Variants in SLC30A10 observed in about 807,000 individuals in gnomAD.
SLC30A10 encodes the protein calcium/manganese antiporter SLC30A10.
SLC30A10 carries 8 observed loss-of-function variants against 21.7 expected under a neutral mutation model. The ratio of observed to expected loss-of-function variants is 0.37; its 90% CI spans 0.22 to 0.67. The LOEUF (loss-of-function observed/expected upper bound fraction) is 0.67. SLC30A10 is among the 30% of genes least tolerant of loss of function. The pLI is 0.58. For missense variants in SLC30A10, 521 were observed against 642.5 expected, an observed-to-expected ratio of 0.81 and a Z score of 2.04; for synonymous variants, 272 against 279.4, an observed-to-expected ratio of 0.97 and a Z score of 0.26.
chr1:219,947,525 C>T (rs768727746), intron 1 of SLC30A10, among the ~76,000 whole-genome samples: 2 of 151,840 alleles, frequency 1.3e-5, no homozygotes, highest in Non-Finnish European at 2.9e-5. Context: ...AGAGCAAGAT[C>T]CTGTCTCAAA....
In SLC30A10 at chr1:219,918,116, A is replaced by G. The variant is rs940992924; in HGVS notation, c.958+139T>C. On this transcript the variant is annotated intron_variant, in intron 3 of 3. Coordinates refer to ENST00000366926, the MANE Select transcript of SLC30A10 (RefSeq NM_018713.3). This position sits in a 1 kb window ranked among gnomAD's most constrained non-coding sequence, Gnocchi z 4.4. ...GTCATCTTAATAGGCTATAAAACAT[A>G]TGATGACATCTCTACCACCTGGTGA... 430 of 1,147,052 alleles carry G rather than the reference A, an allele frequency of 3.7e-4. No individual in the cohort carries two copies. Among genetic ancestry groups the G allele is most frequent in the Non-Finnish European group, 7.3e-5 (59 of 804,194 alleles). 71.1% of individuals were successfully genotyped at this position (1,147,052 alleles called of 1,614,324 possible).
At chr1:219,927,663 AAAAAAC>A (rs1659867982) in intron 1 of SLC30A10, 132 bp downstream of exon 1, 4 of 372,998 alleles carry the variant, frequency 1.1e-5, no homozygotes, top group South Asian at 1.2e-4. Flanking sequence ...AAAAAAAAAA[AAAAAAC>A]AACAACAACA....
At chr1:219,925,293 G>A (rs996488319) in intron 2 of SLC30A10, among the ~76,000 whole-genome samples, 1 of 152,044 alleles carries the variant, frequency 6.6e-6, no homozygotes, top group Non-Finnish European at 1.5e-5. Flanking sequence ...CAGCACTTTG[G>A]GCAGCCGAGG....
intron 1 of SLC30A10, among the ~76,000 whole-genome samples, chr1:219,941,114 AGAG>A (rs1425125101): frequency 2.0e-5 from 3 of 152,242 alleles, no homozygotes; most frequent in African/African-American, 7.2e-5. Context: ...AGCCTTCCTG[AGAG>A]GAGAAGGAGA....
At chr1:219,934,991 G>A (rs1660027658) in intron 1 of SLC30A10, among the ~76,000 whole-genome samples, 1 of 152,198 alleles carries the variant, frequency 6.6e-6, no homozygotes, top group African/African-American at 2.4e-5. Context: ...ACAGGGGAAA[G>A]GGTTAAAGGC....
rs1034203907 is a variant in SLC30A10 at position 219,947,702 on chromosome 1, C to T, written n.80+10866G>A. On this transcript the variant is annotated intron_variant and non_coding_transcript_variant, in intron 1 of 8. Transcript: ENST00000484239. ...GTGTGGTGGCTCACACCTGTAATCA[C>T]GCCTGTAATCCCAGCTACTTGGGAG... 2.4e-4 allele frequency among the ~76,000 whole-genome samples: 37 copies of T among 152,046 alleles called. No homozygotes were observed. The South Asian group carries it at 3.9e-3, about 16-fold the overall frequency.
At chr1:219,917,802 C>T (rs531497727) in intron 3 of SLC30A10, among the ~76,000 whole-genome samples, 26 of 151,474 alleles carry the variant, frequency 1.7e-4, no homozygotes, top group Non-Finnish European at 2.9e-4. Context: ...CCTCCGCCTC[C>T]CGGGTTCAAG....
In SLC30A10 at chr1:219,911,833, T is replaced by C. The variant is rs554174005; in HGVS notation, c.*3616A>G. On this transcript the variant is annotated 3_prime_UTR_variant, in exon 4 of 4. Transcript: ENST00000366926. ...GCTCAGAACTTGGGGCAATTTTTTT[T>C]CCCAGGTTATATGTGGCAATGTCTG... 6.6e-6 allele frequency among the ~76,000 whole-genome samples: 1 copy of C among 152,234 alleles called. No homozygotes were observed. The highest frequency in any genetic ancestry group is 2.4e-5 in the African/African-American group (1 of 41,524).
chr1:219,950,442 A>G (rs1181233357), intron 1 of SLC30A10, among the ~76,000 whole-genome samples: 1 of 151,950 alleles, frequency 6.6e-6, no homozygotes. Flanking sequence ...GATCGAGACC[A>G]TCCTGGCTAA....
rs1369832991 is a variant in SLC30A10 at position 219,927,646 on chromosome 1, A to C, written c.640+155T>G. Among the ~76,000 whole-genome samples the C allele has an allele frequency of 9.8e-5, 4 of 40,660 alleles. No homozygotes were observed. In the African/African-American group the frequency reaches 1.4e-3, roughly 14 times the overall value. The allele number at this position is 40,660 out of a possible 152,430, so 26.7% of individuals were successfully genotyped here. The stretch of plus-strand genomic sequence containing the variant: ...AAAGGGAATGGATTTATTAAAAAAA[A>C]AAAAAAAAAAAAAAAAAAAAAACAA... On this transcript the variant is annotated intron_variant, in intron 1 of 3. Coordinates refer to ENST00000366926, the MANE Select transcript of SLC30A10 (RefSeq NM_018713.3).
At chr1:219,922,176 GTTTTTTTTTTTTTTTTT>G (rs869249213) in intron 2 of SLC30A10, among the ~76,000 whole-genome samples, 26 of 36,450 alleles carry the variant, frequency 7.1e-4, no homozygotes, top group African/African-American at 2.7e-3. Context: ...GTGTGTGTGT[GTTTTTTTTTTTTTTTTT>G]TTTTTTTTTT....
intron 1 of SLC30A10, among the ~76,000 whole-genome samples, chr1:219,954,775 T>A (rs896884060): frequency 5.9e-5 from 9 of 151,272 alleles, no homozygotes; most frequent in African/African-American, 2.2e-4. Flanking sequence ...ATTTCTGATA[T>A]AAATGTATCA....
intron 1 of SLC30A10, among the ~76,000 whole-genome samples, chr1:219,951,108 G>A (rs1011038598): frequency 4.6e-5 from 7 of 152,012 alleles, no homozygotes; most frequent in Non-Finnish European, 8.8e-5. Context: ...CTATAGGCAC[G>A]CACCACCACA....
upstream of SLC30A10, among the ~76,000 whole-genome samples, chr1:219,929,525 CT>C (rs11382012): frequency 0.061 from 9,019 of 147,768 alleles, 884 homozygotes; most frequent in African/African-American, 0.21. Flanking sequence ...AATAAAGACT[CT>C]TTTTTTTTTT....
rs1660277277 is a variant in SLC30A10 at position 219,951,867 on chromosome 1, C to T, written n.80+6701G>A. Among the ~76,000 whole-genome samples, 3 of 152,266 alleles carry T rather than the reference C, an allele frequency of 2.0e-5. No individual in the cohort carries two copies. In the South Asian group the frequency reaches 6.2e-4, roughly 32 times the overall value. Reference sequence around the variant, plus strand: ...CCTCCTGTCTTGGCCTCCCAAAGTGCTGGGATTACAGGCATGAACATTGTG... The same window carrying T: ...CCTCCTGTCTTGGCCTCCCAAAGTGTTGGGATTACAGGCATGAACATTGTG... On this transcript the variant is annotated intron_variant and non_coding_transcript_variant, in intron 1 of 8. Transcript: ENST00000484239.
intron 1 of SLC30A10, among the ~76,000 whole-genome samples, chr1:219,927,395 GA>G (rs979858809): frequency 2.0e-4 from 31 of 152,016 alleles, no homozygotes; most frequent in African/African-American, 6.0e-4. Flanking sequence ...GATGGGCAAA[GA>G]GGGGGGGAGA....
intron 1 of SLC30A10, among the ~76,000 whole-genome samples, chr1:219,951,646 A>G (rs1430019819): frequency 2.6e-5 from 4 of 151,636 alleles, no homozygotes; most frequent in African/African-American, 4.8e-5. Context: ...GCGTGAACCC[A>G]GGAGGCGGAG....
At chr1:219,932,874 C>T (rs1419948319), upstream of SLC30A10, among the ~76,000 whole-genome samples, 1 of 151,014 alleles carries the variant, frequency 6.6e-6, no homozygotes, top group Non-Finnish European at 1.5e-5. Flanking sequence ...TCAGCCTGAC[C>T]AACATGGAGA....
chr1:219,915,913 C>A lies in SLC30A10; in HGVS notation c.994G>T (p.Val332Leu), dbSNP rs759514230. ...AGTTCCCAGATGTGCACTTCATGTA[C>A]ACTGCTAATTCCAGGCACAGCAGAG... ...KLSAVPGISS[V>L]HEVHIWELVS... The change falls in exon 4 of 4, where the codon GTA becomes TTA. Residue 332 changes from valine (V) to leucine (L), a missense_variant. Coordinates refer to ENST00000366926, the MANE Select transcript of SLC30A10 (RefSeq NM_018713.3). The A allele has an allele frequency of 1.2e-6, 2 of 1,614,086 alleles. No homozygotes were observed. Among genetic ancestry groups the A allele is most frequent in the South Asian group, 2.2e-5 (2 of 91,068 alleles).
Sources: allele counts gnomAD v4.1 joint callset (sites outside exome capture counted in the v4.1 genomes callset), GRCh38; gene constraint gnomAD v4.1.1; non-coding constraint Gnocchi (gnomAD v3.1); transcripts MANE v1.5; gene names NCBI Gene and HGNC (gene_info 2026-07-23, HGNC 2026-07-21).